WDR47: variants seen among roughly 807,000 people sequenced by gnomAD.
WDR47 encodes WD repeat-containing protein 47.
In WDR47, 32 loss-of-function variants were observed where a neutral mutation model predicts 97.2. The ratio of observed to expected loss-of-function variants is 0.33; its 90% confidence interval spans 0.25 to 0.44. The LOEUF (loss-of-function observed/expected upper bound fraction) is 0.44. Ranked by LOEUF, WDR47 falls within the 20% of genes least tolerant of loss-of-function variation. The pLI, the probability that WDR47 is intolerant of heterozygous loss-of-function variation, is 1.00. For missense variants in WDR47, 782 were observed against 1,102.3 expected, an observed-to-expected ratio of 0.71 and a Z score of 4.11; for synonymous variants, 375 against 373.5, an observed-to-expected ratio of 1.00 and a Z score of -0.05.
In WDR47 at chr1:108,983,400, A is replaced by G. The variant is rs1658500692; in HGVS notation, c.1977T>C (p.His659=). Reference sequence around the variant, plus strand: ...CCACACAGTAAATGGATCCTTTATGATGTTTATTCCTTTTAAAACGTACCA... The same window carrying G: ...CCACACAGTAAATGGATCCTTTATGGTGTTTATTCCTTTTAAAACGTACCA... ...QPVVRFKRNK[H]HKGSIYCVAW... is the part of the protein sequence containing the mutation. The change falls in exon 11 of 15, where the codon CAT becomes CAC. Residue 659 remains histidine, a synonymous_variant. Coordinates refer to ENST00000369962, the MANE Select transcript of WDR47 (RefSeq NM_001142551.2). 6.2e-7 allele frequency: 1 copy of G among 1,610,358 alleles called. No individual in the cohort carries two copies. The highest frequency in any genetic ancestry group is 1.7e-5 in the Admixed American group (1 of 59,436).
intron 1 of WDR47, 53 bp from the exon 2 acceptor site, chr1:109,023,574 G>A: frequency 2.6e-6 from 4 of 1,547,232 alleles, no homozygotes; most frequent in South Asian, 2.4e-5. Context: ...TTATTTCTAA[G>A]TTTAACTGCC....
chr1:109,000,247 A>C (rs913302046), intron 7 of WDR47, among the ~76,000 whole-genome samples: 3 of 151,988 alleles, frequency 2.0e-5, no homozygotes, highest in African/African-American at 7.3e-5. Context: ...GCAGTGGCTT[A>C]CACCTGTAAT....
intron 1 of WDR47, chr1:109,030,144 A>G: frequency 7.9e-7 from 1 of 1,273,206 alleles, no homozygotes; most frequent in Non-Finnish European, 1.1e-6. Context: ...CCTGGTGCAG[A>G]GCCCCAATTC....
At chr1:108,999,848 C>T (rs565708378) in intron 7 of WDR47, among the ~76,000 whole-genome samples, 23 of 152,238 alleles carry the variant, frequency 1.5e-4, no homozygotes, top group Admixed American at 1.3e-3. Flanking sequence ...TATCTGCTCT[C>T]ACTGCAAAAT....
chr1:109,036,453 T>C (rs1662948524), intron 1 of WDR47, among the ~76,000 whole-genome samples: 1 of 145,626 alleles, frequency 6.9e-6, no homozygotes, highest in Admixed American at 7.1e-5. Context: ...GCGCCTGTAG[T>C]CCCAGGAGGA....
At chr1:108,988,874 C>T (rs976495894) in intron 9 of WDR47, among the ~76,000 whole-genome samples, 4 of 152,016 alleles carry the variant, frequency 2.6e-5, no homozygotes, top group African/African-American at 9.7e-5. Flanking sequence ...TCTCCTGCCT[C>T]AGCCTCCCAA....
intron 5 of WDR47, 105 bp from the exon 6 acceptor site, chr1:109,004,820 G>A: frequency 7.5e-7 from 1 of 1,329,012 alleles, no homozygotes; most frequent in South Asian, 1.7e-5. Flanking sequence ...TTTTGAGATG[G>A]AGTCTCTCTC....
intron 1 of WDR47, chr1:109,030,016 AT>A: frequency 2.4e-6 from 1 of 413,116 alleles, no homozygotes; most frequent in Non-Finnish European, 4.2e-6. Flanking sequence ...AGCAGATATG[AT>A]TTAATTAAAT....
At chr1:109,033,220 G>C (rs1039343247) in intron 1 of WDR47, among the ~76,000 whole-genome samples, 41 of 152,188 alleles carry the variant, frequency 2.7e-4, no homozygotes, top group Non-Finnish European at 3.8e-4. Flanking sequence ...CTTGAACCCA[G>C]GGGGGCAGAG....
chr1:108,993,539 C>T (rs1214215629), intron 8 of WDR47, among the ~76,000 whole-genome samples: 2 of 152,076 alleles, frequency 1.3e-5, no homozygotes, highest in African/African-American at 4.8e-5. Flanking sequence ...TCTAAGGCAC[C>T]CCTTTTCAGG....
chr1:108,992,823 T>C (rs531248244), intron 8 of WDR47: 4 of 1,545,884 alleles, frequency 2.6e-6, no homozygotes, highest in African/African-American at 1.4e-5. Context: ...CAAAAACTTA[T>C]GGCACGGGAG....
chr1:109,009,923 G>A (rs1022396185), intron 5 of WDR47, among the ~76,000 whole-genome samples: 6 of 151,938 alleles, frequency 3.9e-5, no homozygotes, highest in South Asian at 2.1e-4. Context: ...GCTTGAACCC[G>A]GGAGACGGAG....
chr1:109,004,307 G>A (rs997558635), intron 6 of WDR47, among the ~76,000 whole-genome samples: 2 of 151,556 alleles, frequency 1.3e-5, no homozygotes, highest in African/African-American at 2.4e-5. Context: ...TTTAATGTAA[G>A]CGCAATTACT....
chr1:109,005,746 G>A (rs1037734199), intron 5 of WDR47, among the ~76,000 whole-genome samples: 8 of 151,806 alleles, frequency 5.3e-5, no homozygotes, highest in Middle Eastern at 3.4e-3. Context: ...GTACGCGCCT[G>A]TAGTCCCAGC....
intron 7 of WDR47, 125 bp downstream of exon 7, chr1:109,002,099 C>A (rs1660250267): frequency 1.8e-6 from 2 of 1,108,184 alleles, no homozygotes; most frequent in Admixed American, 2.7e-5. Context: ...ATATGTAACT[C>A]CACATTACTT....
intron 4 of WDR47, 81 bp downstream of exon 4, chr1:109,013,760 C>T (rs1661212100): frequency 1.4e-6 from 2 of 1,460,530 alleles, no homozygotes; most frequent in Admixed American, 1.9e-5. Flanking sequence ...ACTTGTGATG[C>T]TAATCCTTCG....
At chr1:109,038,576 G>C (rs1663119886) in intron 1 of WDR47, among the ~76,000 whole-genome samples, 1 of 151,174 alleles carries the variant, frequency 6.6e-6, no homozygotes, top group South Asian at 2.1e-4. Flanking sequence ...CTACTCGGGA[G>C]GCTGAGGTAG....
intron 1 of WDR47, among the ~76,000 whole-genome samples, chr1:109,027,589 T>A (rs1662299227): frequency 6.6e-6 from 1 of 151,932 alleles, no homozygotes; most frequent in African/African-American, 2.4e-5. Context: ...AGTGGTGCAA[T>A]CTCGGTTTAC....
At chr1:109,010,049 C>G (rs936211583) in intron 5 of WDR47, among the ~76,000 whole-genome samples, 1 of 151,812 alleles carries the variant, frequency 6.6e-6, no homozygotes, top group African/African-American at 2.4e-5. Context: ...AAAGACTGGT[C>G]CATCTAAGTA....
Sources: allele counts gnomAD v4.1 joint callset (sites outside exome capture counted in the v4.1 genomes callset), GRCh38; gene constraint gnomAD v4.1.1; transcripts MANE v1.5; gene names NCBI Gene and HGNC (gene_info 2026-07-23, HGNC 2026-07-21).